Variants in WDR11 observed in about 807,000 individuals in gnomAD.
WDR11 encodes the protein WD repeat-containing protein 11.
A neutral mutation model predicts 151.2 loss-of-function variants in WDR11; 83 were observed. That is an observed-to-expected ratio of 0.55 (90% CI 0.46 to 0.66). The LOEUF is 0.66. Ranked by LOEUF, WDR11 falls within the 30% of genes least tolerant of loss-of-function variation. WDR11 has a pLI of 0.00. For synonymous variants in WDR11, 484 were observed against 533.1 expected (o/e 0.91, Z 1.27); for missense variants, 1,301 against 1,480.9 (o/e 0.88, Z 1.99).
chr10:120,876,343 T>C (rs1846789539), intron 11 of WDR11, among the ~76,000 whole-genome samples: 1 of 152,172 alleles, frequency 6.6e-6, no homozygotes, highest in African/African-American at 2.4e-5. Context: ...GTTTGCATTG[T>C]CTTACTGTTT....
chr10:120,886,593 T>C, intron 15 of WDR11, 96 bp from the exon 16 acceptor site: 2 of 1,492,350 alleles, frequency 1.3e-6, no homozygotes. Context: ...TTGGACCTCC[T>C]CTTAATGCGT....
chr10:120,889,895 A>G lies in WDR11; in HGVS notation c.2229A>G (p.Arg743=). 6.2e-7 allele frequency: 1 copy of G among 1,610,422 alleles called. No individual in the cohort carries two copies. The highest frequency in any genetic ancestry group is 8.5e-7 in the Non-Finnish European group (1 of 1,176,720). ...GATGTTTTTGTTTCTTTGTCTTCAG[A>G]GGAATACCCACACACCGAAGTTGGG... ...NFWDLKGRVS[R]GIPTHRSWVR... is the part of the protein sequence containing the mutation. Residue 743 remains arginine (R), a splice_region_variant and synonymous_variant, in exon 18 of 29, where the codon AGA becomes AGG. Transcript: ENST00000263461.
chr10:120,886,677 A>T lies in WDR11; in HGVS notation c.1974-12A>T. 6.2e-7 allele frequency: 1 copy of T among 1,613,168 alleles called. No homozygotes were observed. On this transcript the variant is annotated splice_polypyrimidine_tract_variant and intron_variant, in intron 15 of 28. Coordinates refer to ENST00000263461, the MANE Select transcript of WDR11 (RefSeq NM_018117.12). ...AAAAAACATCTTTATCATATGTTTC[A>T]CTATCCCAAAGCTTGCTGCAGGAGG... is the stretch of plus-strand genomic sequence containing the variant.
rs1374693750 is a variant in WDR11 at position 120,908,993 on chromosome 10, C to G, written c.*280C>G. ...AGAGCTTTAAGAGTCCCTGGAAATA[C>G]TTTTTAATTTTTTTAACTTAAAATT... is the stretch of plus-strand genomic sequence containing the variant. On this transcript the variant is annotated 3_prime_UTR_variant, in exon 29 of 29. Coordinates refer to ENST00000263461, the MANE Select transcript of WDR11 (RefSeq NM_018117.12). 5.0e-6 allele frequency: 2 copies of G among 400,708 alleles called. No individual in the cohort carries two copies. Among genetic ancestry groups the G allele is most frequent in the Non-Finnish European group, 9.1e-6 (2 of 220,660 alleles). The allele number at this position is 400,708 out of a possible 1,614,324, so 24.8% of individuals were successfully genotyped here.
At position 120,862,728 on chromosome 10, in the gene WDR11, A is replaced by G; in HGVS notation, c.527-7A>G. ...CTTTAATCAGAGTTTTGCTTTTCTC[A>G]ATATAGTGCTTACCAGCGAGGGTAT... is the stretch of plus-strand genomic sequence containing the variant. On this transcript the variant is annotated splice_region_variant and splice_polypyrimidine_tract_variant and intron_variant, in intron 4 of 28. Coordinates refer to ENST00000263461, the MANE Select transcript of WDR11 (RefSeq NM_018117.12). 1 of 1,614,032 alleles carries G rather than the reference A, an allele frequency of 6.2e-7. No homozygotes were observed. The highest frequency in any genetic ancestry group is 8.5e-7 in the Non-Finnish European group (1 of 1,179,968).
At chr10:120,880,927 T>C (rs1846982140) in intron 13 of WDR11, 26 bp downstream of exon 13, 1 of 1,557,142 alleles carries the variant, frequency 6.4e-7, no homozygotes, top group African/African-American at 1.4e-5. Flanking sequence ...AAAAAAAATC[T>C]ATGGTGTTAT....
intron 18 of WDR11, 27 bp downstream of exon 18, chr10:120,890,036 G>A (rs1338246512): frequency 6.7e-6 from 10 of 1,486,614 alleles, no homozygotes; most frequent in Middle Eastern, 1.7e-4. Context: ...AGGATAAAAC[G>A]TAAATAAATT....
intron 21 of WDR11, 145 bp downstream of exon 21, chr10:120,901,243 T>C (rs1847803416): frequency 2.7e-6 from 2 of 748,248 alleles, no homozygotes; most frequent in Admixed American, 4.7e-5. Context: ...AGAGGTTTGC[T>C]TCCCGTTAGA....
intron 16 of WDR11, 36 bp from the exon 17 acceptor site, chr10:120,889,042 T>C: frequency 7.0e-7 from 1 of 1,432,108 alleles, no homozygotes; most frequent in Non-Finnish European, 9.9e-7. Context: ...TACAGCATAG[T>C]GAAATTTATA....
At position 120,883,881 on chromosome 10, in the gene WDR11, C is replaced by T. The variant is rs1458008119; in HGVS notation, c.1841C>T (p.Thr614Ile). Residue 614 changes from threonine to isoleucine, a missense_variant, in exon 14 of 29, where the codon ACT becomes ATT. Thr to Ile is a moderately conservative substitution (Grantham distance 89). Transcript: ENST00000263461. ...REMSKNFPTI[T>I]ALEWSPSHNL... ...ATGTCCAAAAACTTCCCTACAATAA[C>T]TGCTTTGGTAAGTTACAATTTAAGA... The T allele has an allele frequency of 6.2e-7, 1 of 1,610,778 alleles. No homozygotes were observed. The highest frequency in any genetic ancestry group is 1.1e-5 in the South Asian group (1 of 91,010).
intron 1 of WDR11, chr10:120,851,797 T>C: frequency 1.9e-6 from 1 of 516,606 alleles, no homozygotes. Context: ...TCTTTTCCTC[T>C]CCTCCAGCTT....
chr10:120,862,318 T>C (rs1846169711), intron 4 of WDR11: 1 of 172,480 alleles, frequency 5.8e-6, no homozygotes, highest in Admixed American at 5.9e-5. Context: ...TTTTGTATTT[T>C]TGGTAGAGAC....
Position 120,901,040 on chromosome 10 carries a change from T to C in WDR11, c.2629T>C (p.Tyr877His). 1 of 1,611,302 alleles carries C rather than the reference T, an allele frequency of 6.2e-7. No individual in the cohort carries two copies. Among genetic ancestry groups the C allele is most frequent in the Non-Finnish European group, 8.5e-7 (1 of 1,177,612 alleles). The change falls in exon 21 of 29, where the codon TAT (tyrosine) becomes CAT (histidine). Residue 877 changes from tyrosine (Y) to histidine (H), a missense_variant. Coordinates refer to ENST00000263461, the MANE Select transcript of WDR11 (RefSeq NM_018117.12). ...TTCAAAATTTTTTCTTTACAGTGACTATCCAGAAAATGAAGAAATAAAGAA... is the reference window on the plus strand; with the variant it reads ...TTCAAAATTTTTTCTTTACAGTGACCATCCAGAAAATGAAGAAATAAAGAA... ...QYSLDISHVD[Y>H]PENEEIKNLL...
chr10:120,851,677 A>T lies in WDR11; in HGVS notation c.86+171A>T, dbSNP rs1221251277. 5.5e-6 allele frequency: 4 copies of T among 721,454 alleles called. No individual in the cohort carries two copies. In the East Asian group the frequency reaches 1.1e-4, roughly 20 times the overall value. 44.7% of individuals were successfully genotyped at this position (721,454 alleles called of 1,614,324 possible). On this transcript the variant is annotated intron_variant, in intron 1 of 28. Coordinates refer to ENST00000263461, the MANE Select transcript of WDR11 (RefSeq NM_018117.12). ...GTGGATTTTTGTTGTTACAAAAGTG[A>T]TAATAGCCCCGTGTGGGAAATTCCC... is the stretch of plus-strand genomic sequence containing the variant.
intron 8 of WDR11, 110 bp downstream of exon 8, chr10:120,866,874 T>A: frequency 7.7e-7 from 1 of 1,297,352 alleles, no homozygotes; most frequent in Non-Finnish European, 1.1e-6. Flanking sequence ...AAAATATTTT[T>A]AAGGTAATAA....
intron 20 of WDR11, 78 bp downstream of exon 20, chr10:120,900,215 T>C (rs1321153070): frequency 8.4e-6 from 10 of 1,195,286 alleles, no homozygotes; most frequent in Non-Finnish European, 1.2e-5. Flanking sequence ...CCATGGCCTG[T>C]ACTCCAGCAT....
intron 14 of WDR11, 92 bp downstream of exon 14, chr10:120,883,980 C>A: frequency 1.9e-6 from 2 of 1,056,136 alleles, no homozygotes; most frequent in Non-Finnish European, 2.9e-6. Flanking sequence ...TCATTACTGC[C>A]AATGTCATTT....
intron 11 of WDR11, among the ~76,000 whole-genome samples, chr10:120,877,958 G>A (rs1050590071): frequency 6.6e-6 from 1 of 152,142 alleles, no homozygotes; most frequent in African/African-American, 2.4e-5. Context: ...ATAATGCAAT[G>A]GAAGATACTT....
Position 120,865,508 on chromosome 10 carries a change from G to A in WDR11, c.880-122G>A, listed in dbSNP as rs536943358. The A allele has an allele frequency of 4.3e-5, 32 of 742,026 alleles. No homozygotes were observed. In the South Asian group the frequency reaches 6.1e-4, roughly 14 times the overall value. The allele number at this position is 742,026 out of a possible 1,614,324, so 46.0% of individuals were successfully genotyped here. On this transcript the variant is annotated intron_variant, in intron 6 of 28. Transcript: ENST00000263461. ...TTTTAAATGTACATTTAGTTTTAAA[G>A]TTTGGGATTTGTCTATTTTTTTTTC...
Sources: gnomAD v4.1 joint callset for allele counts (sites outside exome capture counted in the v4.1 genomes callset) on GRCh38, gnomAD v4.1.1 for gene constraint, MANE v1.5 for transcripts, NCBI Gene and HGNC (gene_info 2026-07-23, HGNC 2026-07-21) for gene names.